Variants in SLC12A2 observed in about 807,000 individuals in gnomAD.
The protein encoded by SLC12A2 is Na-K-2Cl cotransporter 1.
SLC12A2 carries 67 observed loss-of-function variants against 136.3 expected under a neutral mutation model. The ratio of observed to expected loss-of-function variants is 0.49; its 90% CI spans 0.40 to 0.60. The LOEUF (loss-of-function observed/expected upper bound fraction) is 0.60, where lower values mean the gene tolerates loss of function less well. Among genes scored for constraint, SLC12A2 ranks in the 20% least tolerant of loss-of-function variants. SLC12A2 has a pLI of 0.00. For synonymous variants in SLC12A2, 619 were observed against 562.9 expected, an observed-to-expected ratio of 1.10 and a Z score of -1.41; for missense variants, 1,322 against 1,534.7, an observed-to-expected ratio of 0.86 and a Z score of 2.32.
intron 4 of SLC12A2, among the ~76,000 whole-genome samples, chr5:128,120,438 A>G (rs1761515747): frequency 6.6e-6 from 1 of 151,890 alleles, no homozygotes; most frequent in Non-Finnish European, 1.5e-5. Context: ...TATTCACAAT[A>G]ACAAAGACTT....
chr5:128,185,461 C>G (rs542042107), intron 26 of SLC12A2, among the ~76,000 whole-genome samples: 56 of 151,984 alleles, frequency 3.7e-4, no homozygotes, highest in African/African-American at 1.2e-3. Context: ...CAGGCCTCTC[C>G]CCCACAAAAA....
chr5:128,118,359 G>GTA (rs1761431680), intron 4 of SLC12A2, among the ~76,000 whole-genome samples: 1 of 152,126 alleles, frequency 6.6e-6, no homozygotes, highest in African/African-American at 2.4e-5. Flanking sequence ...AGAAAATGTG[G>GTA]TATATATACA....
At chr5:128,142,157 C>T (rs933854606) in intron 10 of SLC12A2, among the ~76,000 whole-genome samples, 176 bp downstream of exon 10, 15 of 152,060 alleles carry the variant, frequency 9.9e-5, no homozygotes, top group South Asian at 4.2e-4. Flanking sequence ...GGCTGTAGTG[C>T]GGTGGTGCTA....
At chr5:128,098,953 A>G (rs1309195753) in intron 1 of SLC12A2, among the ~76,000 whole-genome samples, 1 of 152,098 alleles carries the variant, frequency 6.6e-6, no homozygotes, top group Non-Finnish European at 1.5e-5. Context: ...ACTCTCAGCC[A>G]TTTAAGCTAT....
rs114257702 is a variant in SLC12A2 at position 128,089,667 on chromosome 5, C to T, written c.756+4957C>T. On this transcript the variant is annotated intron_variant, in intron 1 of 26. Transcript: ENST00000262461. ...ATTATTATGACTTCTTCACTAGCAT[C>T]TGTATAAGTGTTTATCTTCATACAG... Among the ~76,000 whole-genome samples, 416 of 152,252 alleles carry T rather than the reference C, an allele frequency of 2.7e-3. 2 individuals carry two copies. The highest frequency in any genetic ancestry group is 9.7e-3 in the African/African-American group (405 of 41,556).
At chr5:128,117,104 T>C (rs1319128001) in intron 4 of SLC12A2, among the ~76,000 whole-genome samples, 1 of 152,216 alleles carries the variant, frequency 6.6e-6, no homozygotes, top group African/African-American at 2.4e-5. Context: ...GCAATTCTTG[T>C]GCCCATGTTG....
intron 20 of SLC12A2, among the ~76,000 whole-genome samples, chr5:128,175,408 A>G (rs1763506034): frequency 6.6e-6 from 1 of 151,980 alleles, no homozygotes; most frequent in East Asian, 1.9e-4. Flanking sequence ...CTTGATTATA[A>G]TTTATTTTGT....
intron 4 of SLC12A2, among the ~76,000 whole-genome samples, chr5:128,126,133 T>G (rs1761784857): frequency 6.6e-6 from 1 of 152,206 alleles, no homozygotes; most frequent in South Asian, 2.1e-4. Context: ...ATCTTTAGCA[T>G]TTTCATATAA....
At chr5:128,169,711 C>T (rs1763310083) in intron 18 of SLC12A2, 1 of 151,990 alleles carries the variant, frequency 6.6e-6, no homozygotes, top group South Asian at 2.1e-4. Context: ...TATGCTTTTT[C>T]CCTCTCAAGA....
At chr5:128,156,279 T>C (rs1276816231) in intron 15 of SLC12A2, among the ~76,000 whole-genome samples, 1 of 152,178 alleles carries the variant, frequency 6.6e-6, no homozygotes, top group Non-Finnish European at 1.5e-5. Flanking sequence ...ATTTGTCAAA[T>C]CCTTTACTTT....
At chr5:128,099,346 A>T (rs1760662069) in intron 1 of SLC12A2, among the ~76,000 whole-genome samples, 1 of 152,178 alleles carries the variant, frequency 6.6e-6, no homozygotes, top group African/African-American at 2.4e-5. Flanking sequence ...AATATAAAAG[A>T]TAAAATGGTA....
chr5:128,165,267 T>C (rs183033651), intron 17 of SLC12A2, among the ~76,000 whole-genome samples: 205 of 152,378 alleles, frequency 1.3e-3, no homozygotes, highest in Non-Finnish European at 2.3e-3. Context: ...TCCTTTTCCC[T>C]TTAAATTTTT....
intron 9 of SLC12A2, among the ~76,000 whole-genome samples, chr5:128,139,692 G>A (rs1762298407): frequency 6.6e-6 from 1 of 152,086 alleles, no homozygotes; most frequent in African/African-American, 2.4e-5. Flanking sequence ...TTTACATATG[G>A]TTTGCATTTG....
At chr5:128,127,335 A>T (rs1260898761) in intron 4 of SLC12A2, among the ~76,000 whole-genome samples, 1 of 151,634 alleles carries the variant, frequency 6.6e-6, no homozygotes, top group Non-Finnish European at 1.5e-5. Context: ...ATTAGCCAGG[A>T]TGGTCTCCAT....
intron 20 of SLC12A2, among the ~76,000 whole-genome samples, chr5:128,176,379 TCTTTC>T (rs976967542): frequency 6.6e-6 from 1 of 152,004 alleles, no homozygotes; most frequent in African/African-American, 2.4e-5. Flanking sequence ...TGTAGTATAC[TCTTTC>T]CTAAGTCCAG....
chr5:128,135,520 T>C (rs1346795654), intron 6 of SLC12A2, among the ~76,000 whole-genome samples, 180 bp from the exon 7 acceptor site: 1 of 152,120 alleles, frequency 6.6e-6, no homozygotes, highest in Admixed American at 6.5e-5. Flanking sequence ...AAGATCTCTT[T>C]GTTCATTAAA....
At chr5:128,137,130 A>G (rs532718576) in intron 7 of SLC12A2, among the ~76,000 whole-genome samples, 2 of 152,286 alleles carry the variant, frequency 1.3e-5, no homozygotes, top group African/African-American at 4.8e-5. Context: ...TTAATAGTAT[A>G]TGTCATTTGC....
chr5:128,129,451 G>A (rs1210396012), intron 4 of SLC12A2, among the ~76,000 whole-genome samples: 2 of 150,608 alleles, frequency 1.3e-5, no homozygotes, highest in Non-Finnish European at 3.0e-5. Flanking sequence ...AAAATCATGA[G>A]GCTAATGTTA....
chr5:128,185,205 C>T (rs3805616), intron 26 of SLC12A2, among the ~76,000 whole-genome samples: 19,932 of 152,092 alleles, frequency 0.13, 1,601 homozygotes, highest in East Asian at 0.26. Flanking sequence ...ATTTGGGCCC[C>T]GGACAGCTTC....
Sources: allele counts gnomAD v4.1 joint callset (sites outside exome capture counted in the v4.1 genomes callset), GRCh38; gene constraint gnomAD v4.1.1; transcripts MANE v1.5; gene names NCBI Gene and HGNC (gene_info 2026-07-23, HGNC 2026-07-21).